FIRRM: variants seen among roughly 807,000 people sequenced by gnomAD.
FIRRM encodes the protein FIGNL1-interacting regulator of recombination and mitosis.
chr1:169,804,096 G>A, the FIRRM span: 1 of 1,510,654 alleles, frequency 6.6e-7, no homozygotes. Flanking sequence ...TGTGTATTCT[G>A]GGTGTTTACA....
chr1:169,846,298 G>A, the FIRRM span, among the ~76,000 whole-genome samples: 1 of 152,104 alleles, frequency 6.6e-6, no homozygotes, highest in East Asian at 1.9e-4. Flanking sequence ...AGATTTAGCA[G>A]AATTCTTAAG....
At chr1:169,787,265 C>A in the FIRRM span, among the ~76,000 whole-genome samples, 1 of 152,186 alleles carries the variant, frequency 6.6e-6, no homozygotes, top group Non-Finnish European at 1.5e-5. Context: ...ACTCTGCATT[C>A]ACCTTGACAG....
At chr1:169,827,851 T>C in the FIRRM span, 74 of 1,613,462 alleles carry the variant, frequency 4.6e-5, no homozygotes, top group Non-Finnish European at 6.2e-5. Context: ...GTAGCAAACA[T>C]GTTTTTATCC....
the FIRRM span, among the ~76,000 whole-genome samples, chr1:169,785,505 G>A: frequency 2.0e-5 from 3 of 152,126 alleles, no homozygotes; most frequent in Admixed American, 6.5e-5. Context: ...AGCTGGAAGG[G>A]GGATGGAGTG....
At chr1:169,814,655 C>T in the FIRRM span, among the ~76,000 whole-genome samples, 1 of 152,192 alleles carries the variant, frequency 6.6e-6, no homozygotes, top group South Asian at 2.1e-4. Flanking sequence ...TTCCTTGATA[C>T]ATATTGTAAA....
At chr1:169,797,615 T>C in the FIRRM span, among the ~76,000 whole-genome samples, 1 of 152,144 alleles carries the variant, frequency 6.6e-6, no homozygotes, top group Admixed American at 6.5e-5. Flanking sequence ...AGTGCAGTGG[T>C]GCGATCTCAG....
the FIRRM span, among the ~76,000 whole-genome samples, chr1:169,811,693 CAGATTATCTAAATAGATAATAGACA>C: frequency 1.5e-4 from 20 of 129,092 alleles, 1 homozygote; most frequent in Non-Finnish European, 2.6e-4. Context: ...AGATAATAGA[CAGATTATCTAAATAGATAATAGACA>C]GATTATCTAA....
chr1:169,802,611 G>A, the FIRRM span: 1 of 1,579,248 alleles, frequency 6.3e-7, no homozygotes, highest in African/African-American at 1.4e-5. Flanking sequence ...TACTTGATTT[G>A]TTTTTACAGA....
chr1:169,799,536 G>GT, the FIRRM span, among the ~76,000 whole-genome samples: 1 of 152,052 alleles, frequency 6.6e-6, no homozygotes, highest in East Asian at 1.9e-4. Flanking sequence ...AATCTACGTT[G>GT]TGTAATGGGA....
the FIRRM span, chr1:169,806,070 C>A: frequency 6.3e-7 from 1 of 1,591,846 alleles, no homozygotes; most frequent in South Asian, 1.2e-5. Flanking sequence ...CATGCCAATA[C>A]TTGGAAGTTT....
the FIRRM span, among the ~76,000 whole-genome samples, chr1:169,846,308 G>A: frequency 6.6e-6 from 1 of 152,172 alleles, no homozygotes; most frequent in Non-Finnish European, 1.5e-5. Flanking sequence ...GAATTCTTAA[G>A]GGCCTTAGGA....
At chr1:169,818,408 A>G in the FIRRM span, among the ~76,000 whole-genome samples, 1 of 152,218 alleles carries the variant, frequency 6.6e-6, no homozygotes, top group Non-Finnish European at 1.5e-5. Flanking sequence ...ACCTTAAAGC[A>G]TTTAGCAAAC....
the FIRRM span, chr1:169,842,556 A>G: frequency 6.2e-7 from 1 of 1,605,490 alleles, no homozygotes; most frequent in Non-Finnish European, 8.5e-7. Context: ...AAAGCAACTG[A>G]TCCTTTCCTT....
the FIRRM span, among the ~76,000 whole-genome samples, chr1:169,808,282 G>C: frequency 6.6e-6 from 1 of 152,088 alleles, no homozygotes; most frequent in Non-Finnish European, 1.5e-5. Flanking sequence ...AATCAATCTT[G>C]CATTTTTTCT....
At chr1:169,803,698 C>A in the FIRRM span, among the ~76,000 whole-genome samples, 1 of 152,142 alleles carries the variant, frequency 6.6e-6, no homozygotes, top group African/African-American at 2.4e-5. Flanking sequence ...TCTCTACATG[C>A]CAGAGGTAGC....
chr1:169,787,293 A>C, the FIRRM span, among the ~76,000 whole-genome samples: 571 of 152,178 alleles, frequency 3.8e-3, 2 homozygotes, highest in African/African-American at 0.013. Flanking sequence ...CCTTGGCCAA[A>C]ATTTAGTTAG....
At chr1:169,850,918 A>G in the FIRRM span, 1 of 119,562 alleles carries the variant, frequency 8.4e-6, no homozygotes, top group Non-Finnish European at 1.7e-5. Context: ...ACACTTGATC[A>G]CATAATTAGG....
the FIRRM span, among the ~76,000 whole-genome samples, chr1:169,835,579 T>A: frequency 0.066 from 10,090 of 152,294 alleles, 430 homozygotes; most frequent in Non-Finnish European, 0.099. Context: ...TTGTCCCCTT[T>A]TACTTTAGTC....
the FIRRM span, among the ~76,000 whole-genome samples, chr1:169,839,152 T>TA: frequency 6.6e-6 from 1 of 152,238 alleles, no homozygotes; most frequent in Non-Finnish European, 1.5e-5. Context: ...GGTATATATG[T>TA]ACCACATTTT....
Sources: allele counts gnomAD v4.1 joint callset (sites outside exome capture counted in the v4.1 genomes callset), GRCh38; gene constraint gnomAD v4.1.1; transcripts MANE v1.5; gene names NCBI Gene and HGNC (gene_info 2026-07-23, HGNC 2026-07-21).